The following DLGAP2 variants were observed in gnomAD, a reference collection of about 807,000 sequenced individuals.
The protein encoded by DLGAP2 is disks large-associated protein 2.
DLGAP2 carries 26 observed loss-of-function variants against 100.3 expected under a neutral mutation model. The ratio of observed to expected loss-of-function variants is 0.26; its 90% CI spans 0.19 to 0.36. The LOEUF (loss-of-function observed/expected upper bound fraction) is 0.36, where lower values mean the gene tolerates loss of function less well. DLGAP2 is among the 10% of genes least tolerant of loss of function. DLGAP2 has a pLI of 1.00. For synonymous variants in DLGAP2, 886 were observed against 630.1 expected (o/e 1.41, Z -6.08); for missense variants, 1,858 against 1,453.2 (o/e 1.28, Z -4.53).
chr8:1,202,907 C>T (rs540898852), intron 2 of DLGAP2, among the ~76,000 whole-genome samples: 83 of 152,344 alleles, frequency 5.4e-4, no homozygotes, highest in Non-Finnish European at 1.0e-3. Flanking sequence ...CTCTTCAAGG[C>T]GCACGCATTT....
chr8:1,453,270 G>A (rs1380365115), intron 3 of DLGAP2, among the ~76,000 whole-genome samples: 1 of 152,174 alleles, frequency 6.6e-6, no homozygotes, highest in Non-Finnish European at 1.5e-5. Context: ...GTCAGGCTGG[G>A]GAGAAGCAGG....
chr8:1,560,980 G>T (rs533360808), intron 5 of DLGAP2, among the ~76,000 whole-genome samples: 4 of 152,126 alleles, frequency 2.6e-5, no homozygotes, highest in Non-Finnish European at 1.5e-5. Context: ...CCGAAATCTC[G>T]TTTTGCCTGG....
intron 3 of DLGAP2, among the ~76,000 whole-genome samples, chr8:1,271,926 T>C (rs1213398999): frequency 1.3e-5 from 2 of 152,218 alleles, no homozygotes; most frequent in African/African-American, 4.8e-5. Flanking sequence ...TTCTCCTGCC[T>C]CAGCTTCCCA....
rs1820353652 is a variant in DLGAP2, at chr8:737,710, C to A, written c.-98C>A. 1 of 372,652 alleles carries A rather than the reference C, an allele frequency of 2.7e-6. No homozygotes were observed. 23.1% of individuals were successfully genotyped at this position (372,652 alleles called of 1,614,324 possible). A position where few individuals can be genotyped will look rare whatever the true frequency, so the allele number is the denominator to read the frequency against. On this transcript the variant is annotated 5_prime_UTR_variant, in exon 1 of 15. Transcript: ENST00000637795. ...AACGGACGGACGGACCGCGGACGGA[C>A]GTACTGACCCCAACCCGCGAGCCCC...
intron 3 of DLGAP2, among the ~76,000 whole-genome samples, chr8:1,465,784 C>G (rs1042057798): frequency 2.0e-5 from 3 of 152,198 alleles, no homozygotes; most frequent in African/African-American, 7.2e-5. Flanking sequence ...TGTGTTCAGA[C>G]TCTTCCCGGC....
At chr8:1,251,342 T>C (rs751063069) in intron 2 of DLGAP2, among the ~76,000 whole-genome samples, 30 of 152,202 alleles carry the variant, frequency 2.0e-4, no homozygotes, top group Non-Finnish European at 3.5e-4. Context: ...CATCCAAAAA[T>C]AAAAATGAGA....
intron 8 of DLGAP2, among the ~76,000 whole-genome samples, chr8:1,650,597 G>A (rs111526646): frequency 0.011 from 1,728 of 152,362 alleles, 39 homozygotes; most frequent in African/African-American, 0.04. Context: ...TCCAGAAAAA[G>A]ATACTGGGTG....
chr8:1,241,333 C>A (rs1798791952), intron 2 of DLGAP2, among the ~76,000 whole-genome samples: 1 of 151,768 alleles, frequency 6.6e-6, no homozygotes, highest in African/African-American at 2.4e-5. Context: ...GGCACTGTGT[C>A]TAGTTGTCTC....
chr8:870,236 C>T (rs1367224440), intron 1 of DLGAP2, among the ~76,000 whole-genome samples: 2 of 152,180 alleles, frequency 1.3e-5, no homozygotes, highest in East Asian at 3.8e-4. Flanking sequence ...TGACAGGATC[C>T]CTGAGCTGTC....
At chr8:979,180 A>T (rs1359592333) in intron 2 of DLGAP2, among the ~76,000 whole-genome samples, 1 of 152,220 alleles carries the variant, frequency 6.6e-6, no homozygotes, top group East Asian at 1.9e-4. Flanking sequence ...AATCACACTG[A>T]CTTCACAAAG....
chr8:1,372,275 G>T (rs1350617964), intron 3 of DLGAP2, among the ~76,000 whole-genome samples: 1 of 152,108 alleles, frequency 6.6e-6, no homozygotes, highest in Non-Finnish European at 1.5e-5. Context: ...GCCAACGCTG[G>T]GACGCTGGTC....
At chr8:1,696,231 G>A (rs1028610392) in intron 13 of DLGAP2, among the ~76,000 whole-genome samples, 1 of 152,194 alleles carries the variant, frequency 6.6e-6, no homozygotes, top group Admixed American at 6.5e-5. Flanking sequence ...GCCGGGCACG[G>A]TGGCTCACCC....
intron 3 of DLGAP2, among the ~76,000 whole-genome samples, chr8:1,318,443 C>T (rs117743777): frequency 0.012 from 1,747 of 150,522 alleles, 14 homozygotes; most frequent in Non-Finnish European, 0.018. Flanking sequence ...TTCGTTTCTT[C>T]GTATCTAGTA....
At chr8:1,508,849 C>T (rs1321599557) in intron 4 of DLGAP2, among the ~76,000 whole-genome samples, 1 of 151,690 alleles carries the variant, frequency 6.6e-6, no homozygotes, top group African/African-American at 2.4e-5. Context: ...TCCGGGGATT[C>T]GTAGGATCTC....
chr8:1,654,181 G>A (rs4876116), intron 8 of DLGAP2, among the ~76,000 whole-genome samples: 83,498 of 152,000 alleles, frequency 0.55, 23,340 homozygotes, highest in African/African-American at 0.65. Context: ...TCCCGTGTAC[G>A]CACATGCACA....
chr8:1,455,220 C>T (rs898890502), intron 3 of DLGAP2, among the ~76,000 whole-genome samples: 1 of 152,244 alleles, frequency 6.6e-6, no homozygotes, highest in Non-Finnish European at 1.5e-5. Flanking sequence ...TCACAGCGCT[C>T]CACGTGGACG....
At chr8:1,447,182 A>G (rs1046116170) in intron 3 of DLGAP2, among the ~76,000 whole-genome samples, 11 of 152,178 alleles carry the variant, frequency 7.2e-5, no homozygotes, top group Non-Finnish European at 8.8e-5. Flanking sequence ...GTTTTCAAAG[A>G]GAATGTTTCC....
chr8:1,583,811 T>G (rs1312804854), intron 6 of DLGAP2, among the ~76,000 whole-genome samples: 1 of 152,080 alleles, frequency 6.6e-6, no homozygotes, highest in Non-Finnish European at 1.5e-5. Context: ...ACGCGCTGGT[T>G]GCAGGGGTTT....
chr8:1,343,039 T>G (rs1801454617), intron 3 of DLGAP2, among the ~76,000 whole-genome samples: 2 of 152,266 alleles, frequency 1.3e-5, no homozygotes, highest in African/African-American at 4.8e-5. Context: ...CATTAATTTC[T>G]GTACTTTTTG....
Sources: allele counts gnomAD v4.1 joint callset (sites outside exome capture counted in the v4.1 genomes callset), GRCh38; gene constraint gnomAD v4.1.1; transcripts MANE v1.5; gene names NCBI Gene and HGNC (gene_info 2026-07-23, HGNC 2026-07-21).